The following PRKCB variants were observed in gnomAD, a reference collection of about 807,000 sequenced individuals.
The protein encoded by PRKCB is protein kinase C beta.
In PRKCB, 13 loss-of-function variants were observed where a neutral mutation model predicts 81.5. That is an observed-to-expected ratio of 0.16 (90% CI 0.10 to 0.25). PRKCB has a LOEUF of 0.25. Among genes scored for constraint, PRKCB ranks in the 10% least tolerant of loss-of-function variants. The pLI is 1.00. For missense variants in PRKCB, 509 were observed against 875.7 expected, an observed-to-expected ratio of 0.58 and a Z score of 5.29; for synonymous variants, 335 against 321.4, an observed-to-expected ratio of 1.04 and a Z score of -0.45.
chr16:23,972,603 T>G (rs1964572163), intron 2 of PRKCB, among the ~76,000 whole-genome samples: 1 of 152,208 alleles, frequency 6.6e-6, no homozygotes, highest in African/African-American at 2.4e-5. Flanking sequence ...TACGAAGGCC[T>G]TTTTGCTATG....
intron 5 of PRKCB, among the ~76,000 whole-genome samples, chr16:24,089,647 C>T (rs916814275): frequency 2.6e-5 from 4 of 152,040 alleles, no homozygotes; most frequent in African/African-American, 9.7e-5. Flanking sequence ...GGTTGGCAAG[C>T]ACCTGTAGTC....
intron 7 of PRKCB, among the ~76,000 whole-genome samples, chr16:24,097,274 G>C (rs1307984056): frequency 6.6e-6 from 1 of 152,114 alleles, no homozygotes; most frequent in African/African-American, 2.4e-5. Context: ...CTGACCTTGT[G>C]ATCTGCCTGC....
At chr16:24,065,897 CTGT>C (rs546873708) in intron 5 of PRKCB, among the ~76,000 whole-genome samples, 95 of 152,318 alleles carry the variant, frequency 6.2e-4, no homozygotes, top group Non-Finnish European at 6.5e-4. Flanking sequence ...TTGAAACTGG[CTGT>C]TATTTTCTTT....
chr16:24,133,805 G>C (rs187145701), intron 9 of PRKCB, among the ~76,000 whole-genome samples: 1 of 152,058 alleles, frequency 6.6e-6, no homozygotes, highest in African/African-American at 2.4e-5. Context: ...AGAAGGAGGC[G>C]GGACCTTGAA....
At chr16:24,010,027 A>G (rs1014258372) in intron 3 of PRKCB, among the ~76,000 whole-genome samples, 8 of 152,184 alleles carry the variant, frequency 5.3e-5, no homozygotes, top group African/African-American at 1.9e-4. Context: ...AAACAGAATT[A>G]TAGAGTAGAC....
At chr16:24,201,779 TA>T (rs1216400309) in intron 16 of PRKCB, among the ~76,000 whole-genome samples, 3 of 152,188 alleles carry the variant, frequency 2.0e-5, no homozygotes, top group Non-Finnish European at 4.4e-5. Context: ...CTCACGCCTA[TA>T]ATCCCAGCAC....
intron 1 of PRKCB, 113 bp from the exon 2 acceptor site, chr16:23,837,262 G>A: frequency 9.6e-6 from 13 of 1,354,146 alleles, no homozygotes; most frequent in South Asian, 1.2e-5. Flanking sequence ...CTGTGGCTGG[G>A]AGTTTGCACC....
intron 5 of PRKCB, among the ~76,000 whole-genome samples, chr16:24,049,954 T>A (rs1965821009): frequency 6.6e-6 from 1 of 152,088 alleles, no homozygotes; most frequent in Non-Finnish European, 1.5e-5. Context: ...GACGGGAAGA[T>A]CTGGAGGGGT....
intron 2 of PRKCB, among the ~76,000 whole-genome samples, chr16:23,967,773 C>T (rs1447012780): frequency 1.3e-5 from 2 of 152,202 alleles, no homozygotes; most frequent in African/African-American, 4.8e-5. Context: ...CTGCCTCAGC[C>T]TCCCGAGTAG....
At chr16:24,183,697 G>C (rs577210371) in intron 13 of PRKCB, among the ~76,000 whole-genome samples, 11 of 152,318 alleles carry the variant, frequency 7.2e-5, no homozygotes, top group Admixed American at 5.9e-4. Context: ...TCATGATATA[G>C]AGATTATAGA....
intron 2 of PRKCB, among the ~76,000 whole-genome samples, chr16:23,902,989 C>CTTTTTTTTTTTTTTTTTCT (rs71988386): frequency 7.2e-6 from 1 of 139,030 alleles, no homozygotes; most frequent in Non-Finnish European, 1.5e-5. Flanking sequence ...TTTTTCTTTT[C>CTTTTTTTTTTTTTTTTTCT]TTTTTTTTTT....
chr16:23,955,031 G>A (rs1964331457), intron 2 of PRKCB, among the ~76,000 whole-genome samples: 1 of 152,162 alleles, frequency 6.6e-6, no homozygotes, highest in Non-Finnish European at 1.5e-5. Context: ...TTGGGATGCA[G>A]GGGAGCTTAA....
intron 15 of PRKCB, among the ~76,000 whole-genome samples, chr16:24,188,466 C>A (rs142445493): frequency 3.3e-5 from 5 of 152,086 alleles, no homozygotes; most frequent in Non-Finnish European, 7.4e-5. Flanking sequence ...TTTTGCAGTA[C>A]CTTTTCTTTG....
intron 2 of PRKCB, among the ~76,000 whole-genome samples, chr16:23,863,912 TTC>T (rs147885919): frequency 4.0e-5 from 6 of 151,100 alleles, no homozygotes; most frequent in Non-Finnish European, 5.9e-5. Flanking sequence ...AGTACGTTAT[TTC>T]TCTCTCTCTC....
intron 2 of PRKCB, among the ~76,000 whole-genome samples, chr16:23,892,632 T>C (rs1015198577): frequency 1.3e-5 from 2 of 152,226 alleles, no homozygotes; most frequent in African/African-American, 4.8e-5. Flanking sequence ...AGTAGGCAGA[T>C]GGTCTTATTT....
chr16:24,103,682 G>C (rs1470785242), intron 7 of PRKCB, among the ~76,000 whole-genome samples: 1 of 152,198 alleles, frequency 6.6e-6, no homozygotes, highest in Non-Finnish European at 1.5e-5. Context: ...GTACCCAACA[G>C]TTAGTTTTTC....
rs147832598 is a variant in PRKCB, at chr16:24,093,444, T to G, written c.686+497T>G. On this transcript the variant is annotated intron_variant, in intron 6 of 16. Transcript: ENST00000643927. ...TTCTTGTACATCTAGGCATCAGGAG[T>G]TGGTTATAACAGCCAATTCACTGAG... Among the ~76,000 whole-genome samples the G allele has an allele frequency of 1.4e-3, 219 of 152,094 alleles. 1 individual carries two copies. The highest frequency in any genetic ancestry group is 4.9e-3 in the African/African-American group (203 of 41,488).
chr16:23,976,589 GGTGC>G (rs1964630474), intron 2 of PRKCB, among the ~76,000 whole-genome samples: 1 of 152,174 alleles, frequency 6.6e-6, no homozygotes, highest in African/African-American at 2.4e-5. Context: ...ATGGAGGATG[GGTGC>G]TGTCAGGCAG....
rs1041362556 is a variant in PRKCB, at chr16:23,903,917, C to T, written c.205+66511C>T. Among the ~76,000 whole-genome samples, 36 of 152,156 alleles carry T rather than the reference C, an allele frequency of 2.4e-4. 2 individuals carry two copies. Among genetic ancestry groups the T allele is most frequent in the Admixed American group, 5.9e-4 (9 of 15,284 alleles). ...CTGCTCCATCCTCTGGTGTCTGCAA[C>T]GACGCTGGCACACCATAGGCCCTTA... On this transcript the variant is annotated intron_variant, in intron 2 of 16. Coordinates refer to ENST00000643927, the MANE Select transcript of PRKCB (RefSeq NM_002738.7).
Sources: gnomAD v4.1 joint callset for allele counts (sites outside exome capture counted in the v4.1 genomes callset) on GRCh38, gnomAD v4.1.1 for gene constraint, MANE v1.5 for transcripts, NCBI Gene and HGNC (gene_info 2026-07-23, HGNC 2026-07-21) for gene names.